ABCC4: variants seen among roughly 807,000 people sequenced by gnomAD.
ABCC4 encodes the protein ATP-binding cassette sub-family C member 4.
Under a neutral mutation model 168.5 loss-of-function variants are expected in ABCC4, and 102 were observed. The observed-to-expected ratio is 0.61, with a 90% CI of 0.52 to 0.71. The LOEUF is 0.71. Ranked by LOEUF, ABCC4 falls within the 30% of genes least tolerant of loss-of-function variation. The pLI, the probability that ABCC4 is intolerant of heterozygous loss-of-function variation, is 0.00. For missense variants in ABCC4, 1,402 were observed against 1,605.8 expected, an observed-to-expected ratio of 0.87 and a Z score of 2.17; for synonymous variants, 617 against 590.7, an observed-to-expected ratio of 1.04 and a Z score of -0.65.
chr13:95,154,280 C>A (rs2036786012), intron 19 of ABCC4, among the ~76,000 whole-genome samples: 1 of 152,126 alleles, frequency 6.6e-6, no homozygotes, highest in East Asian at 1.9e-4. Flanking sequence ...AACTAATGTA[C>A]ATATAAATGT....
chr13:95,159,567 G>A (rs527761939), intron 19 of ABCC4, among the ~76,000 whole-genome samples: 4 of 152,276 alleles, frequency 2.6e-5, no homozygotes, highest in South Asian at 2.1e-4. Context: ...GTAGTCATGA[G>A]CATTCCGAGG....
At chr13:95,277,496 G>A (rs557405992) in intron 1 of ABCC4, among the ~76,000 whole-genome samples, 6 of 151,632 alleles carry the variant, frequency 4.0e-5, no homozygotes, top group Non-Finnish European at 4.4e-5. Flanking sequence ...CAGGAGGATC[G>A]CCTGAACCCA....
intron 1 of ABCC4, among the ~76,000 whole-genome samples, chr13:95,289,329 C>T (rs2041335142): frequency 6.6e-6 from 1 of 152,076 alleles, no homozygotes; most frequent in East Asian, 1.9e-4. Context: ...AATCTCTGAC[C>T]CAGGGTGAGA....
At chr13:95,104,421 T>G (rs556021497) in intron 20 of ABCC4, among the ~76,000 whole-genome samples, 1 of 152,310 alleles carries the variant, frequency 6.6e-6, no homozygotes, top group Admixed American at 6.5e-5. Context: ...GGTCTGATGT[T>G]GGAGATTTTC....
chr13:95,099,971 T>A (rs1729761), intron 20 of ABCC4, among the ~76,000 whole-genome samples: 2 of 151,948 alleles, frequency 1.3e-5, no homozygotes, highest in African/African-American at 2.4e-5. Context: ...AGTCCAAACC[T>A]TTTTTTGTTC....
chr13:95,247,846 T>C, intron 1 of ABCC4, 93 bp from the exon 2 acceptor site: 1 of 865,100 alleles, frequency 1.2e-6, no homozygotes, highest in Non-Finnish European at 1.9e-6. Flanking sequence ...AACTTACCTT[T>C]AAAATACATA....
intron 30 of ABCC4, among the ~76,000 whole-genome samples, chr13:95,030,701 G>A (rs1414821811): frequency 1.3e-5 from 2 of 152,042 alleles, no homozygotes; most frequent in Non-Finnish European, 2.9e-5. Flanking sequence ...CAAGGAGAGA[G>A]GCCTCAGAAG....
chr13:95,058,593 GA>G (rs377750538), intron 26 of ABCC4, among the ~76,000 whole-genome samples: 4,461 of 80,076 alleles, frequency 0.056, 187 homozygotes, highest in East Asian at 0.067. Flanking sequence ...AAAAAAAAAA[GA>G]AAAGAAAAAG....
intron 30 of ABCC4, among the ~76,000 whole-genome samples, chr13:95,031,904 A>T (rs2031894900): frequency 6.6e-6 from 1 of 152,150 alleles, no homozygotes; most frequent in African/African-American, 2.4e-5. Flanking sequence ...ATATTTTTTA[A>T]ATAGGTATTT....
intron 1 of ABCC4, among the ~76,000 whole-genome samples, chr13:95,258,740 C>G (rs1179038027): frequency 6.6e-6 from 1 of 152,090 alleles, no homozygotes. Context: ...CATCTGGGGC[C>G]CAGCAACCCT....
intron 4 of ABCC4, among the ~76,000 whole-genome samples, chr13:95,220,776 A>G (rs1439514019): frequency 6.6e-6 from 1 of 152,166 alleles, no homozygotes; most frequent in Non-Finnish European, 1.5e-5. Flanking sequence ...GCCCACAGCT[A>G]TTACCCCCAG....
chr13:95,292,170 C>A (rs1163018592), intron 1 of ABCC4, among the ~76,000 whole-genome samples: 1 of 152,116 alleles, frequency 6.6e-6, no homozygotes, highest in East Asian at 1.9e-4. Flanking sequence ...CCAGCCAGGG[C>A]AACATGGCAA....
chr13:95,157,088 C>CCCCACA (rs1491107650), intron 19 of ABCC4, among the ~76,000 whole-genome samples: 7 of 134,618 alleles, frequency 5.2e-5, no homozygotes, highest in Admixed American at 1.5e-4. Flanking sequence ...TGAGACTCTA[C>CCCCACA]CACACACACA....
chr13:95,295,219 A>G (rs1167982932), intron 1 of ABCC4, among the ~76,000 whole-genome samples: 1 of 152,154 alleles, frequency 6.6e-6, no homozygotes, highest in African/African-American at 2.4e-5. Flanking sequence ...CTGCAGACAC[A>G]GAAATTTACT....
In ABCC4 at chr13:95,020,630, A is replaced by T. The variant is rs919279311; in HGVS notation, c.*945T>A. 2 of 152,268 alleles carry T rather than the reference A, an allele frequency of 1.3e-5. No homozygotes were observed. The highest frequency in any genetic ancestry group is 2.4e-5 in the African/African-American group (1 of 41,456). 9.4% of individuals were successfully genotyped at this position (152,268 alleles called of 1,614,324 possible). On this transcript the variant is annotated 3_prime_UTR_variant, in exon 31 of 31. Coordinates refer to ENST00000645237, the MANE Select transcript of ABCC4 (RefSeq NM_005845.5). ...GCAATAATTTTCAGTTTGTCTCATC[A>T]CGTTAGCAGAGCCTATTCATGCAAT... is the stretch of plus-strand genomic sequence containing the variant.
At chr13:95,246,524 T>G (rs2040109952) in intron 3 of ABCC4, among the ~76,000 whole-genome samples, 1 of 152,216 alleles carries the variant, frequency 6.6e-6, no homozygotes, top group Non-Finnish European at 1.5e-5. Context: ...AACAATTATT[T>G]GTTGAGCACC....
At chr13:95,086,008 A>AT (rs11412188) in intron 20 of ABCC4, among the ~76,000 whole-genome samples, 141,830 of 151,834 alleles carry the variant, frequency 0.93, 66,362 homozygotes, top group Non-Finnish European at 0.96. Flanking sequence ...CACGATTCAT[A>AT]TTTTTAAAGC....
intron 1 of ABCC4, among the ~76,000 whole-genome samples, chr13:95,293,567 A>G (rs1354749804): frequency 6.7e-6 from 1 of 150,342 alleles, no homozygotes; most frequent in Non-Finnish European, 1.5e-5. Flanking sequence ...CCCGGGTTCA[A>G]GCAATTCTCC....
chr13:95,042,868 C>G (rs899602264), intron 29 of ABCC4, among the ~76,000 whole-genome samples: 1 of 152,176 alleles, frequency 6.6e-6, no homozygotes, highest in East Asian at 1.9e-4. Context: ...AATGCGGTAA[C>G]AGCAAATCCC....
Sources: allele counts gnomAD v4.1 joint callset (sites outside exome capture counted in the v4.1 genomes callset), GRCh38; gene constraint gnomAD v4.1.1; transcripts MANE v1.5; gene names NCBI Gene and HGNC (gene_info 2026-07-23, HGNC 2026-07-21).